SPEF2: variants seen among roughly 807,000 people sequenced by gnomAD.
The protein encoded by SPEF2 is sperm flagella and cilia-associated protein 2.
A neutral mutation model predicts 224.6 loss-of-function variants in SPEF2; 187 were observed. The observed-to-expected ratio is 0.83, with a 90% CI of 0.74 to 0.94. The LOEUF is 0.94. Among genes scored for constraint, SPEF2 ranks in the 40% least tolerant of loss-of-function variants. The pLI is 0.00. For synonymous variants in SPEF2, 715 were observed against 707.3 expected, an observed-to-expected ratio of 1.01 and a Z score of -0.17; for missense variants, 2,170 against 2,135.6, an observed-to-expected ratio of 1.02 and a Z score of -0.32.
chr5:35,693,069 C>T (rs1754758311), intron 12 of SPEF2, among the ~76,000 whole-genome samples: 1 of 151,892 alleles, frequency 6.6e-6, no homozygotes, highest in Non-Finnish European at 1.5e-5. Flanking sequence ...GAGCCACTAG[C>T]TGGTAAGTGG....
intron 26 of SPEF2, among the ~76,000 whole-genome samples, chr5:35,768,314 G>GA (rs1469061559): frequency 7.2e-5 from 11 of 151,992 alleles, no homozygotes; most frequent in Middle Eastern, 3.4e-3. Context: ...AGAAGCTCTA[G>GA]AAAAAAATGA....
chr5:35,731,054 G>A (rs1245759599), intron 21 of SPEF2, among the ~76,000 whole-genome samples: 1 of 152,078 alleles, frequency 6.6e-6, no homozygotes, highest in Non-Finnish European at 1.5e-5. Flanking sequence ...TACAGTCAAG[G>A]GTATGTGTAT....
intron 4 of SPEF2, among the ~76,000 whole-genome samples, chr5:35,645,381 C>G (rs1157969295): frequency 1.3e-5 from 2 of 152,132 alleles, no homozygotes; most frequent in African/African-American, 4.8e-5. Flanking sequence ...CTCTAAATAA[C>G]TCTCAGCTTC....
At chr5:35,800,842 G>A (rs766183619) in intron 34 of SPEF2, among the ~76,000 whole-genome samples, 2 of 152,176 alleles carry the variant, frequency 1.3e-5, no homozygotes, top group Non-Finnish European at 2.9e-5. Context: ...TGTAGAAACA[G>A]AGGGGAAAAG....
chr5:35,811,098 A>AAAT (rs1554063124), intron 36 of SPEF2, among the ~76,000 whole-genome samples: 5 of 151,660 alleles, frequency 3.3e-5, no homozygotes, highest in African/African-American at 1.2e-4. Context: ...GCTAAAAAAA[A>AAAT]AAATAATAAA....
intron 25 of SPEF2, among the ~76,000 whole-genome samples, chr5:35,760,780 T>C (rs73747933): frequency 0.024 from 3,589 of 151,958 alleles, 130 homozygotes; most frequent in South Asian, 0.12. Context: ...GAGTTAGGAG[T>C]GGTGGTGATT....
intron 21 of SPEF2, 110 bp from the exon 22 acceptor site, chr5:35,739,809 G>C: frequency 8.2e-7 from 1 of 1,214,226 alleles, no homozygotes; most frequent in Non-Finnish European, 1.2e-6. Flanking sequence ...AATGCTTTAT[G>C]TAGTTGCAGT....
At chr5:35,780,376 T>C (rs1171772072) in intron 30 of SPEF2, among the ~76,000 whole-genome samples, 2 of 152,200 alleles carry the variant, frequency 1.3e-5, no homozygotes, top group Non-Finnish European at 2.9e-5. Context: ...TGTATGTGTG[T>C]GTGCCTGGGT....
Position 35,617,980 on chromosome 5 carries a change from T to G in SPEF2, c.-18T>G, listed in dbSNP as rs761738583. 1 of 1,570,624 alleles carries G rather than the reference T, an allele frequency of 6.4e-7. No individual in the cohort carries two copies. The stretch of plus-strand genomic sequence containing the variant: ...AGTTTCTAAGCCCCCGCCTGCGGTC[T>G]GAGGCACCGGCTGAACCATGTCGGA... On this transcript the variant is annotated 5_prime_UTR_variant, in exon 1 of 37. Transcript: ENST00000356031.
chr5:35,801,111 GTGTGC>G (rs1757358848), intron 34 of SPEF2, among the ~76,000 whole-genome samples: 1 of 152,204 alleles, frequency 6.6e-6, no homozygotes, highest in African/African-American at 2.4e-5. Context: ...CTTCAAACCA[GTGTGC>G]TGTAAAAAGT....
At chr5:35,801,789 C>T (rs755111335) in intron 34 of SPEF2, among the ~76,000 whole-genome samples, 1 of 152,166 alleles carries the variant, frequency 6.6e-6, no homozygotes, top group Admixed American at 6.5e-5. Context: ...CTGGCAATGA[C>T]TTCCTTGAGA....
At chr5:35,777,031 G>A (rs1561348086) in intron 29 of SPEF2, among the ~76,000 whole-genome samples, 1 of 152,104 alleles carries the variant, frequency 6.6e-6, no homozygotes, top group Admixed American at 6.6e-5. Context: ...TGATTGCTCT[G>A]GGCCTCATTG....
intron 23 of SPEF2, 100 bp downstream of exon 23, chr5:35,740,367 G>C: frequency 6.8e-7 from 1 of 1,462,128 alleles, no homozygotes; most frequent in Non-Finnish European, 9.3e-7. Flanking sequence ...GAAGTATGAG[G>C]ATGAGAAAGA....
intron 19 of SPEF2, among the ~76,000 whole-genome samples, chr5:35,711,272 T>C (rs1302801888): frequency 6.6e-6 from 1 of 152,044 alleles, no homozygotes; most frequent in Non-Finnish European, 1.5e-5. Context: ...AATCCTATTT[T>C]GTTATTTTGT....
chr5:35,624,437 A>G (rs972872995), intron 1 of SPEF2, among the ~76,000 whole-genome samples: 1 of 152,114 alleles, frequency 6.6e-6, no homozygotes, highest in Non-Finnish European at 1.5e-5. Context: ...CAAAATTTCA[A>G]TTGTTAGTGC....
chr5:35,651,532 T>A (rs1748186463), intron 6 of SPEF2, among the ~76,000 whole-genome samples: 1 of 152,180 alleles, frequency 6.6e-6, no homozygotes, highest in Non-Finnish European at 1.5e-5. Context: ...AAGAAAAACG[T>A]TGGGAAGTGC....
intron 25 of SPEF2, among the ~76,000 whole-genome samples, chr5:35,760,944 TTAA>T (rs1751203372): frequency 6.6e-6 from 1 of 152,138 alleles, no homozygotes; most frequent in African/African-American, 2.4e-5. Context: ...ACAATCCTTT[TTAA>T]TAATCAGTAG....
chr5:35,799,713 A>G (rs1757169727), intron 33 of SPEF2, among the ~76,000 whole-genome samples: 1 of 152,180 alleles, frequency 6.6e-6, no homozygotes, highest in Non-Finnish European at 1.5e-5. Flanking sequence ...ACCCTTAATT[A>G]GTACAGTATT....
At chr5:35,751,232 A>G (rs1749594941) in intron 23 of SPEF2, among the ~76,000 whole-genome samples, 1 of 146,688 alleles carries the variant, frequency 6.8e-6, no homozygotes, top group African/African-American at 2.5e-5. Flanking sequence ...AAAACCAAAC[A>G]TTATGTTCTC....
Sources: gnomAD v4.1 joint callset for allele counts (sites outside exome capture counted in the v4.1 genomes callset) on GRCh38, gnomAD v4.1.1 for gene constraint, MANE v1.5 for transcripts, NCBI Gene and HGNC (gene_info 2026-07-23, HGNC 2026-07-21) for gene names.